Variants in WDFY4 observed in about 807,000 individuals in gnomAD.
WDFY4 encodes the protein WD repeat- and FYVE domain-containing protein 4.
WDFY4 carries 169 observed loss-of-function variants against 351.9 expected under a neutral mutation model. That is an observed-to-expected ratio of 0.48 (90% confidence interval 0.42 to 0.55). WDFY4 has a LOEUF of 0.55. Ranked by LOEUF, WDFY4 falls within the 20% of genes least tolerant of loss-of-function variation. The probability of loss-of-function intolerance (pLI) is 0.00; values close to 1 mark genes in which losing one functional copy is unlikely to be tolerated. For missense variants in WDFY4, 3,803 were observed against 3,935.6 expected (o/e 0.97, Z 0.90); for synonymous variants, 1,622 against 1,574.6 (o/e 1.03, Z -0.71).
intron 55 of WDFY4, chr10:48,968,746 C>T: frequency 2.6e-6 from 1 of 379,114 alleles, no homozygotes; most frequent in Non-Finnish European, 5.0e-6. Context: ...CTGGGCAGCT[C>T]CAAATCCCGT....
intron 1 of WDFY4, among the ~76,000 whole-genome samples, chr10:48,705,118 G>T (rs2132172903): frequency 6.6e-6 from 1 of 152,308 alleles, no homozygotes; most frequent in South Asian, 2.1e-4. Flanking sequence ...ATCCCCAGGA[G>T]CCAAGGTCCA....
At chr10:48,727,831 T>G (rs1038416597) in intron 7 of WDFY4, among the ~76,000 whole-genome samples, 172 bp downstream of exon 7, 1 of 152,210 alleles carries the variant, frequency 6.6e-6, no homozygotes, top group African/African-American at 2.4e-5. Context: ...ACCACTTCCT[T>G]AGAGAATCAG....
At chr10:48,892,217 T>C (rs1044704112) in intron 44 of WDFY4, among the ~76,000 whole-genome samples, 1 of 152,248 alleles carries the variant, frequency 6.6e-6, no homozygotes, top group African/African-American at 2.4e-5. Flanking sequence ...GCTGTGCTCT[T>C]CACCTCTGGT....
intron 25 of WDFY4, among the ~76,000 whole-genome samples, chr10:48,804,320 G>A (rs898414306): frequency 6.6e-6 from 1 of 152,110 alleles, no homozygotes; most frequent in African/African-American, 2.4e-5. Flanking sequence ...TTCGCACCCT[G>A]TACTTAGAGG....
intron 13 of WDFY4, among the ~76,000 whole-genome samples, chr10:48,770,684 G>A (rs550135584): frequency 6.6e-6 from 1 of 152,366 alleles, no homozygotes; most frequent in African/African-American, 2.4e-5. Context: ...AGGACTTCGG[G>A]TGGATTTCCA....
chr10:48,807,741 C>A, intron 27 of WDFY4, 118 bp from the exon 28 acceptor site: 1 of 1,185,244 alleles, frequency 8.4e-7, no homozygotes, highest in Non-Finnish European at 1.2e-6. Context: ...AATTTTGAGT[C>A]CCAGCCATGC....
intron 37 of WDFY4, among the ~76,000 whole-genome samples, chr10:48,830,145 G>T (rs555124623): frequency 6.6e-6 from 1 of 152,334 alleles, no homozygotes; most frequent in South Asian, 2.1e-4. Flanking sequence ...CAGTTGGTTT[G>T]TTAGATCTGC....
intron 30 of WDFY4, 87 bp from the exon 31 acceptor site, chr10:48,813,870 C>G: frequency 7.2e-7 from 1 of 1,381,536 alleles, no homozygotes; most frequent in Non-Finnish European, 9.4e-7. Flanking sequence ...CACTGGGAAC[C>G]CCTGGAAACA....
intron 39 of WDFY4, among the ~76,000 whole-genome samples, chr10:48,834,003 G>C (rs1447860587): frequency 6.6e-6 from 1 of 152,184 alleles, no homozygotes; most frequent in Non-Finnish European, 1.5e-5. Flanking sequence ...TAGGCTTCAG[G>C]GCCTAGAAAG....
intron 11 of WDFY4, among the ~76,000 whole-genome samples, chr10:48,742,453 CTG>C (rs1192799849): frequency 5.9e-5 from 9 of 152,222 alleles, no homozygotes; most frequent in African/African-American, 1.9e-4. Flanking sequence ...GAGGATTTCA[CTG>C]TGTGTCTCCT....
chr10:48,790,787 C>G lies in WDFY4; in HGVS notation c.4127C>G (p.Ala1376Gly). The change falls in exon 23 of 62, where the codon GCC becomes GGC. Residue 1376 changes from alanine (A) to glycine (G), a missense_variant. By Grantham distance (60) the Ala-to-Gly change is moderately conservative. Coordinates refer to ENST00000325239, the MANE Select transcript of WDFY4 (RefSeq NM_001394531.1). ...AGCCTGGACTTCATTGGCGGGCCTG[C>G]CATCCTCCTGGGCCTCATCTCCTTA... ...ASSLDFIGGP[A>G]ILLGLISLAT... is the part of the protein sequence containing the mutation. 6.4e-7 allele frequency: 1 copy of G among 1,551,762 alleles called. No individual in the cohort carries two copies. Among genetic ancestry groups the G allele is most frequent in the Non-Finnish European group, 8.7e-7 (1 of 1,146,998 alleles).
At chr10:48,787,898 T>C (rs1312657143) in intron 20 of WDFY4, among the ~76,000 whole-genome samples, 2 of 29,488 alleles carry the variant, frequency 6.8e-5, no homozygotes, top group Admixed American at 3.2e-4. Flanking sequence ...CTTCTCCTTC[T>C]TCTTCTTCTT....
Position 48,701,601 on chromosome 10 carries a change from A to T in WDFY4, c.-17-8115A>T, listed in dbSNP as rs74598969. 5.1e-3 allele frequency among the ~76,000 whole-genome samples: 779 copies of T among 152,296 alleles called. 8 individuals carry two copies. The highest frequency in any genetic ancestry group is 0.018 in the African/African-American group (754 of 41,572). ...AAGGAAGGGCCCTGAGTGAGTTCTTATCTGAGGGTGGTTTCTGTGGACAGG... is the reference window on the plus strand; with the variant it reads ...AAGGAAGGGCCCTGAGTGAGTTCTTTTCTGAGGGTGGTTTCTGTGGACAGG... On this transcript the variant is annotated intron_variant, in intron 1 of 61. Transcript: ENST00000325239.
At chr10:48,871,082 T>C (rs764751452) in intron 40 of WDFY4, among the ~76,000 whole-genome samples, 1 of 151,994 alleles carries the variant, frequency 6.6e-6, no homozygotes, top group Non-Finnish European at 1.5e-5. Context: ...TACAGGCACC[T>C]GCCACCACGC....
intron 54 of WDFY4, among the ~76,000 whole-genome samples, chr10:48,965,908 C>T (rs1842060569): frequency 1.3e-5 from 2 of 151,996 alleles, no homozygotes; most frequent in African/African-American, 2.4e-5. Context: ...TAGAGTCCAG[C>T]AGCAAGGACT....
intron 13 of WDFY4, among the ~76,000 whole-genome samples, chr10:48,771,135 G>A (rs2065851684): frequency 6.6e-6 from 1 of 152,196 alleles, no homozygotes; most frequent in African/African-American, 2.4e-5. Flanking sequence ...ACAGGGGCCT[G>A]GGTGAGCCAT....
intron 4 of WDFY4, among the ~76,000 whole-genome samples, chr10:48,721,579 G>A (rs930679807): frequency 1.3e-5 from 2 of 152,134 alleles, no homozygotes; most frequent in African/African-American, 4.8e-5. Context: ...TGTAACTGTG[G>A]CCAGATTGCT....
At chr10:48,762,607 G>A (rs1418960284) in intron 13 of WDFY4, among the ~76,000 whole-genome samples, 1 of 152,230 alleles carries the variant, frequency 6.6e-6, no homozygotes, top group Non-Finnish European at 1.5e-5. Context: ...CTCTTTAGCT[G>A]TGGCACCTCA....
At position 48,946,941 on chromosome 10, in the gene WDFY4, C is replaced by T. The variant is rs1194569475; in HGVS notation, c.7949C>T (p.Pro2650Leu). The change falls in exon 51 of 62, where the codon CCC becomes CTC. Residue 2650 changes from proline (P) to leucine (L), a missense_variant. Transcript: ENST00000325239. ...IVASYLVRMP[P>L]FTQAFCALQG... Reference sequence around the variant, plus strand: ...GCCTCCTACCTGGTCCGGATGCCACCCTTCACCCAGGCCTTCTGCGCTCTG... The same window carrying T: ...GCCTCCTACCTGGTCCGGATGCCACTCTTCACCCAGGCCTTCTGCGCTCTG... The T allele has an allele frequency of 7.7e-6, 12 of 1,551,602 alleles. No homozygotes were observed. The highest frequency in any genetic ancestry group is 1.4e-5 in the African/African-American group (1 of 73,076).
Sources: allele counts gnomAD v4.1 joint callset (sites outside exome capture counted in the v4.1 genomes callset), GRCh38; gene constraint gnomAD v4.1.1; transcripts MANE v1.5; gene names NCBI Gene and HGNC (gene_info 2026-07-23, HGNC 2026-07-21).